Variants in DCLK1 observed in about 807,000 individuals in gnomAD.
DCLK1 encodes serine/threonine-protein kinase DCLK1.
In DCLK1, 16 loss-of-function variants were observed where a neutral mutation model predicts 86.2. The ratio of observed to expected loss-of-function variants is 0.19; its 90% CI spans 0.13 to 0.28. The LOEUF is 0.28. Ranked by LOEUF, DCLK1 falls within the 10% of genes least tolerant of loss-of-function variation. The pLI, the probability that DCLK1 is intolerant of heterozygous loss-of-function variation, is 1.00. For missense variants in DCLK1, 590 were observed against 940.2 expected (o/e 0.63, Z 4.87); for synonymous variants, 369 against 370.5 (o/e 1.00, Z 0.05).
At chr13:36,039,663 G>T (rs969058414) in intron 3 of DCLK1, among the ~76,000 whole-genome samples, 1 of 151,606 alleles carries the variant, frequency 6.6e-6, no homozygotes, top group African/African-American at 2.4e-5. Flanking sequence ...CAAATACACT[G>T]CCCTTCTATC....
At chr13:36,078,461 T>C (rs1884293822) in intron 3 of DCLK1, among the ~76,000 whole-genome samples, 1 of 152,196 alleles carries the variant, frequency 6.6e-6, no homozygotes, top group African/African-American at 2.4e-5. Flanking sequence ...TCTGTAGCAG[T>C]TGGGTAGAGT....
intron 16 of DCLK1, among the ~76,000 whole-genome samples, chr13:35,791,642 C>T (rs559672710): frequency 1.3e-5 from 2 of 152,216 alleles, no homozygotes; most frequent in South Asian, 2.1e-4. Flanking sequence ...ATTGCCCTGA[C>T]GTTCCTGCCC....
intron 11 of DCLK1, among the ~76,000 whole-genome samples, chr13:35,816,183 G>A (rs147562747): frequency 4.2e-4 from 64 of 152,212 alleles, no homozygotes; most frequent in African/African-American, 1.5e-3. Context: ...TTTAAAAAAC[G>A]TTATTACATT....
chr13:35,871,127 C>T, intron 5 of DCLK1, 97 bp downstream of exon 5: 2 of 981,008 alleles, frequency 2.0e-6, no homozygotes, highest in Non-Finnish European at 1.5e-6. Context: ...GGAACCTACA[C>T]TCGCTTAAAA....
In DCLK1 at chr13:35,773,903, C is replaced by G. The variant is rs1555338511; in HGVS notation, c.*632G>C. The G allele has an allele frequency of 6.6e-6, 1 of 152,356 alleles. No individual in the cohort carries two copies. Among genetic ancestry groups the G allele is most frequent in the Non-Finnish European group, 1.5e-5 (1 of 68,052 alleles). The allele number at this position is 152,356 out of a possible 1,614,324, so 9.4% of individuals were successfully genotyped here. Reference sequence around the variant, plus strand: ...AAGCTCTTTGCCACAAACCCAATTCCCTCCACTTGGGATGCAGAACTCACT... The same window carrying G: ...AAGCTCTTTGCCACAAACCCAATTCGCTCCACTTGGGATGCAGAACTCACT... On this transcript the variant is annotated 3_prime_UTR_variant, in exon 17 of 17. Transcript: ENST00000360631.
chr13:35,897,876 T>C (rs1874099785), intron 4 of DCLK1, among the ~76,000 whole-genome samples: 1 of 152,218 alleles, frequency 6.6e-6, no homozygotes, highest in African/African-American at 2.4e-5. Context: ...AGGGTTGCTG[T>C]ATCTTAAACA....
chr13:36,032,895 C>T (rs967704498), intron 3 of DCLK1, among the ~76,000 whole-genome samples: 5 of 152,164 alleles, frequency 3.3e-5, no homozygotes, highest in Non-Finnish European at 5.9e-5. Context: ...TTTTTAACAT[C>T]GCTAAGAATA....
At chr13:36,029,889 T>C (rs781278517) in intron 3 of DCLK1, among the ~76,000 whole-genome samples, 10 of 152,212 alleles carry the variant, frequency 6.6e-5, no homozygotes, top group Non-Finnish European at 1.3e-4. Context: ...TTATACAAAT[T>C]GTTAAATTTC....
intron 2 of DCLK1, among the ~76,000 whole-genome samples, chr13:36,124,970 T>A (rs1170874294): frequency 6.6e-6 from 1 of 152,210 alleles, no homozygotes; most frequent in Non-Finnish European, 1.5e-5. Context: ...TTATGCCCTG[T>A]TCAAACAGGG....
At chr13:35,878,554 A>C (rs945710957) in intron 4 of DCLK1, among the ~76,000 whole-genome samples, 1 of 152,204 alleles carries the variant, frequency 6.6e-6, no homozygotes, top group Admixed American at 6.5e-5. Context: ...TAATGGGTAC[A>C]AAAAATAATT....
intron 3 of DCLK1, among the ~76,000 whole-genome samples, chr13:36,092,953 A>G (rs1724749409): frequency 1.4e-5 from 2 of 145,798 alleles, no homozygotes; most frequent in African/African-American, 5.0e-5. Flanking sequence ...GAAGCTTGAA[A>G]ATAAGACAAG....
chr13:36,057,353 A>G (rs1452014462), intron 3 of DCLK1, among the ~76,000 whole-genome samples: 1 of 152,204 alleles, frequency 6.6e-6, no homozygotes, highest in Non-Finnish European at 1.5e-5. Flanking sequence ...AAAAAACCTG[A>G]AGGTATAAGT....
At chr13:35,917,836 G>A (rs1875523350) in intron 4 of DCLK1, among the ~76,000 whole-genome samples, 1 of 152,084 alleles carries the variant, frequency 6.6e-6, no homozygotes, top group Non-Finnish European at 1.5e-5. Flanking sequence ...GAGGCCTCCA[G>A]TGGAGAGGCG....
At chr13:35,949,887 C>T (rs1044407706) in intron 3 of DCLK1, among the ~76,000 whole-genome samples, 3 of 134,776 alleles carry the variant, frequency 2.2e-5, no homozygotes, top group Non-Finnish European at 4.6e-5. Context: ...TTCTTTCCAA[C>T]ACTGAGACTC....
chr13:35,959,551 C>G lies in DCLK1; in HGVS notation c.724-12094G>C, dbSNP rs547984299. Among the ~76,000 whole-genome samples, 3 of 152,000 alleles carry G rather than the reference C, an allele frequency of 2.0e-5. No homozygotes were observed. In the South Asian group the frequency reaches 6.2e-4, roughly 32 times the overall value. ...GAAATCAGATTTTCATTTGAAAGCC[C>G]CTGATTTTTAAAAAGTTGGTGATAA... On this transcript the variant is annotated intron_variant, in intron 3 of 16. Coordinates refer to ENST00000360631, the MANE Select transcript of DCLK1 (RefSeq NM_001330071.2).
chr13:36,108,031 T>C (rs968048622), intron 3 of DCLK1, among the ~76,000 whole-genome samples: 1 of 150,880 alleles, frequency 6.6e-6, no homozygotes, highest in Admixed American at 6.6e-5. Flanking sequence ...AGCTAGAAAA[T>C]GTCCCTTTTT....
At chr13:36,058,814 A>C (rs1883430187) in intron 3 of DCLK1, among the ~76,000 whole-genome samples, 1 of 152,196 alleles carries the variant, frequency 6.6e-6, no homozygotes, top group Non-Finnish European at 1.5e-5. Context: ...CATATAATTT[A>C]GTGGGGAGTA....
intron 4 of DCLK1, among the ~76,000 whole-genome samples, chr13:35,934,426 C>T (rs1876639120): frequency 6.6e-6 from 1 of 152,168 alleles, no homozygotes; most frequent in Non-Finnish European, 1.5e-5. Context: ...CTTACAGTTC[C>T]ACATCGCTGG....
chr13:35,918,645 G>A (rs1481981208), intron 4 of DCLK1, among the ~76,000 whole-genome samples: 2 of 152,058 alleles, frequency 1.3e-5, no homozygotes, highest in Non-Finnish European at 2.9e-5. Flanking sequence ...TGGGTGCGAG[G>A]TACTGAAGAC....
Sources: allele counts gnomAD v4.1 joint callset (sites outside exome capture counted in the v4.1 genomes callset), GRCh38; gene constraint gnomAD v4.1.1; transcripts MANE v1.5; gene names NCBI Gene and HGNC (gene_info 2026-07-23, HGNC 2026-07-21).